The following NALCN variants were observed in gnomAD, a reference collection of about 807,000 sequenced individuals.
NALCN encodes the protein sodium leak channel, non-selective, also known as sodium leak channel NALCN.
Under a neutral mutation model 225.3 loss-of-function variants are expected in NALCN, and 111 were observed. The ratio of observed to expected loss-of-function variants is 0.49; its 90% CI spans 0.42 to 0.58. The LOEUF is 0.58. NALCN is among the 20% of genes least tolerant of loss of function. The pLI is 0.00. For missense variants in NALCN, 1,378 were observed against 2,202.4 expected, an observed-to-expected ratio of 0.63 and a Z score of 7.49; for synonymous variants, 764 against 769.0, an observed-to-expected ratio of 0.99 and a Z score of 0.11.
chr13:101,064,032 A>ATAAG (rs1594123196), intron 40 of NALCN, among the ~76,000 whole-genome samples: 2 of 152,236 alleles, frequency 1.3e-5, no homozygotes, highest in South Asian at 4.1e-4. Context: ...ATAAAGTAAC[A>ATAAG]TAAGTAAGTG....
chr13:101,317,065 T>G (rs2044579276), intron 7 of NALCN, among the ~76,000 whole-genome samples: 1 of 152,182 alleles, frequency 6.6e-6, no homozygotes, highest in Non-Finnish European at 1.5e-5. Flanking sequence ...TAGCTTCATC[T>G]CCTCATCTTA....
At position 101,259,347 on chromosome 13, in the gene NALCN, A is replaced by T. The variant is rs184547752; in HGVS notation, c.1135-773T>A. The stretch of plus-strand genomic sequence containing the variant: ...AGTATTATTTATTATTATTATTATT[A>T]TTTTGAGAAAGAGTCTCGCTCTCTC... On this transcript the variant is annotated intron_variant, in intron 10 of 43. Transcript: ENST00000251127. Among the ~76,000 whole-genome samples, 1,139 of 151,920 alleles carry T rather than the reference A, an allele frequency of 7.5e-3. 10 individuals carry two copies. The highest frequency in any genetic ancestry group is 0.027 in the South Asian group (132 of 4,804).
intron 11 of NALCN, among the ~76,000 whole-genome samples, chr13:101,251,809 C>A (rs903700567): frequency 7.9e-5 from 12 of 152,136 alleles, no homozygotes; most frequent in African/African-American, 2.9e-4. Context: ...CATCAATAAT[C>A]TGTTTTAGAA....
At chr13:101,090,364 T>C (rs1390983878) in intron 28 of NALCN, among the ~76,000 whole-genome samples, 1 of 152,200 alleles carries the variant, frequency 6.6e-6, no homozygotes, top group Admixed American at 6.5e-5. Flanking sequence ...CATTGGATTT[T>C]GGATGTGGAT....
At chr13:101,202,701 C>T (rs1336728390) in intron 13 of NALCN, among the ~76,000 whole-genome samples, 18 of 152,144 alleles carry the variant, frequency 1.2e-4, no homozygotes, top group Admixed American at 9.2e-4. Flanking sequence ...AAAGGGACTT[C>T]GACACTGCCA....
chr13:101,387,242 A>C (rs1047946132), intron 3 of NALCN, among the ~76,000 whole-genome samples: 2 of 149,618 alleles, frequency 1.3e-5, no homozygotes, highest in Non-Finnish European at 3.0e-5. Flanking sequence ...AAAAAAAAAA[A>C]AAAAAAAAAA....
At chr13:101,059,612 C>T (rs1297492187) in intron 42 of NALCN, among the ~76,000 whole-genome samples, 1 of 150,792 alleles carries the variant, frequency 6.6e-6, no homozygotes, top group East Asian at 1.9e-4. Context: ...TTTTAAATAA[C>T]CTCAACTGCA....
intron 15 of NALCN, among the ~76,000 whole-genome samples, chr13:101,153,268 C>T (rs866839445): frequency 1.6e-4 from 24 of 152,122 alleles, no homozygotes; most frequent in South Asian, 2.1e-4. Context: ...ATTTGAATTA[C>T]TCAAGGGAAA....
intron 13 of NALCN, among the ~76,000 whole-genome samples, chr13:101,229,131 T>C (rs2041253179): frequency 6.6e-6 from 1 of 152,206 alleles, no homozygotes; most frequent in Non-Finnish European, 1.5e-5. Flanking sequence ...CTAAGAACCC[T>C]AGCATTCAGG....
chr13:101,402,052 TA>T (rs1319920724), intron 1 of NALCN, among the ~76,000 whole-genome samples: 1 of 152,202 alleles, frequency 6.6e-6, no homozygotes, highest in Non-Finnish European at 1.5e-5. Flanking sequence ...ATTTCTCTGA[TA>T]AAAACCAGTA....
At chr13:101,163,793 G>A (rs568553499) in intron 15 of NALCN, among the ~76,000 whole-genome samples, 1 of 152,238 alleles carries the variant, frequency 6.6e-6, no homozygotes, top group South Asian at 2.1e-4. Flanking sequence ...AAAACTGGGT[G>A]GCTGAAAACA....
chr13:101,161,882 C>T (rs922669836), intron 15 of NALCN, among the ~76,000 whole-genome samples: 9 of 152,170 alleles, frequency 5.9e-5, no homozygotes, highest in Admixed American at 3.3e-4. Flanking sequence ...AACAAACAAA[C>T]AAACAAAAAA....
chr13:101,317,646 C>T (rs1201469872), intron 7 of NALCN, among the ~76,000 whole-genome samples: 1 of 152,158 alleles, frequency 6.6e-6, no homozygotes, highest in Non-Finnish European at 1.5e-5. Context: ...TTTAGCGACT[C>T]CTGTGATTTT....
chr13:101,385,733 C>T (rs1433019479), intron 3 of NALCN, among the ~76,000 whole-genome samples: 1 of 152,148 alleles, frequency 6.6e-6, no homozygotes, highest in Admixed American at 6.5e-5. Context: ...TCTTACCTTT[C>T]CCCTGAAAGT....
In NALCN at chr13:101,310,445, C is replaced by T. The variant is rs150884531; in HGVS notation, c.800-18079G>A. ...AGGGCTGTTCCCGATGCCCTGCACA[C>T]TCTTCCCCAGAGAGCCATGTGACTT... On this transcript the variant is annotated intron_variant, in intron 7 of 43. Coordinates refer to ENST00000251127, the MANE Select transcript of NALCN (RefSeq NM_052867.4). Among the ~76,000 whole-genome samples, 6 of 152,260 alleles carry T rather than the reference C, an allele frequency of 3.9e-5. No homozygotes were observed. In the East Asian group the frequency reaches 1.2e-3, roughly 30 times the overall value.
intron 10 of NALCN, among the ~76,000 whole-genome samples, chr13:101,278,825 A>G (rs536866031): frequency 6.6e-6 from 1 of 152,206 alleles, no homozygotes; most frequent in East Asian, 1.9e-4. Context: ...AACGACATGC[A>G]TATAGAAATA....
intron 3 of NALCN, among the ~76,000 whole-genome samples, chr13:101,384,777 A>G (rs1206453423): frequency 1.3e-5 from 2 of 152,204 alleles, no homozygotes; most frequent in Non-Finnish European, 2.9e-5. Context: ...AAATGCTTCC[A>G]GCAAGAGGAA....
chr13:101,058,415 G>C, intron 42 of NALCN: 2 of 194,012 alleles, frequency 1.0e-5, no homozygotes, highest in Non-Finnish European at 2.1e-5. Context: ...GTGGGGACGG[G>C]CTGGGCGGGG....
At chr13:101,179,003 G>C (rs1046431693) in intron 14 of NALCN, among the ~76,000 whole-genome samples, 3 of 152,202 alleles carry the variant, frequency 2.0e-5, no homozygotes, top group African/African-American at 7.2e-5. Context: ...AAACTGGACA[G>C]AGGGCAGGCT....
Sources: gnomAD v4.1 joint callset for allele counts (sites outside exome capture counted in the v4.1 genomes callset) on GRCh38, gnomAD v4.1.1 for gene constraint, MANE v1.5 for transcripts, NCBI Gene and HGNC (gene_info 2026-07-23, HGNC 2026-07-21) for gene names.